Variants in KIRREL3 observed in about 807,000 individuals in gnomAD.
KIRREL3 encodes kirre like nephrin family adhesion molecule 3.
A neutral mutation model predicts 89.7 loss-of-function variants in KIRREL3; 36 were observed. The ratio of observed to expected loss-of-function variants is 0.40; its 90% CI spans 0.31 to 0.53. The LOEUF is 0.53. KIRREL3 is among the 20% of genes least tolerant of loss of function. The probability of loss-of-function intolerance (pLI) is 0.49; values close to 1 mark genes in which losing one functional copy is unlikely to be tolerated. For synonymous variants in KIRREL3, 445 were observed against 441.4 expected, an observed-to-expected ratio of 1.01 and a Z score of -0.10; for missense variants, 864 against 1,056.6, an observed-to-expected ratio of 0.82 and a Z score of 2.53.
In KIRREL3 at chr11:126,639,153, G is replaced by A. The variant is rs1192606989; in HGVS notation, c.56-76241C>T. ...AAAGCCCAGTTAAGAGAAACACTTCGGTGCTAATAGATCTGGAAACTTAAG... is the reference window on the plus strand; with the variant it reads ...AAAGCCCAGTTAAGAGAAACACTTCAGTGCTAATAGATCTGGAAACTTAAG... On this transcript the variant is annotated intron_variant, in intron 1 of 16. Transcript: ENST00000525144. The surrounding 1 kb of genome is among the most constrained non-coding windows in gnomAD (Gnocchi z 4.3). 6.6e-6 allele frequency among the ~76,000 whole-genome samples: 1 copy of A among 152,062 alleles called. No homozygotes were observed. Among genetic ancestry groups the A allele is most frequent in the East Asian group, 1.9e-4 (1 of 5,186 alleles).
At chr11:126,545,072 C>T (rs1038875700) in intron 2 of KIRREL3, among the ~76,000 whole-genome samples, 1 of 152,168 alleles carries the variant, frequency 6.6e-6, no homozygotes, top group Non-Finnish European at 1.5e-5. Flanking sequence ...TGCTTCTGTG[C>T]TCAGTGATAA....
chr11:126,535,637 C>T lies in KIRREL3; in HGVS notation c.134-8950G>A, dbSNP rs1009169769. Among the ~76,000 whole-genome samples the T allele has an allele frequency of 6.6e-6, 1 of 152,060 alleles. No individual in the cohort carries two copies. Among genetic ancestry groups the T allele is most frequent in the African/African-American group, 2.4e-5 (1 of 41,392 alleles). ...AGATTAACTGAATTGGCCTCAACCC[C>T]ACCTTTTCTCCAGCCAGACATTTGC... is the stretch of plus-strand genomic sequence containing the variant. On this transcript the variant is annotated intron_variant, in intron 2 of 16. Coordinates refer to ENST00000525144, the MANE Select transcript of KIRREL3 (RefSeq NM_032531.4). This position sits in a 1 kb window ranked among gnomAD's most constrained non-coding sequence, Gnocchi z 4.5.
chr11:126,823,098 A>G (rs1211145854), intron 1 of KIRREL3, among the ~76,000 whole-genome samples: 3 of 152,312 alleles, frequency 2.0e-5, no homozygotes, highest in Middle Eastern at 3.4e-3. Flanking sequence ...ATGAGATGTG[A>G]GAGACTAAAC....
rs1030835564 is a variant in KIRREL3, at chr11:126,553,566, T to C, written c.133+9269A>G. ...GCTGCGGTGCCTCCATATCTACCCATTTCATGAGCCCAGGTGGCCACCTCA... is the reference window on the plus strand; with the variant it reads ...GCTGCGGTGCCTCCATATCTACCCACTTCATGAGCCCAGGTGGCCACCTCA... On this transcript the variant is annotated intron_variant, in intron 2 of 16. Transcript: ENST00000525144. This position sits in a 1 kb window ranked among gnomAD's most constrained non-coding sequence, Gnocchi z 4.7. Among the ~76,000 whole-genome samples the C allele has an allele frequency of 1.2e-4, 18 of 152,196 alleles. No homozygotes were observed. The highest frequency in any genetic ancestry group is 4.1e-4 in the African/African-American group (17 of 41,442).
At chr11:126,478,027 T>C (rs1049882680) in intron 4 of KIRREL3, among the ~76,000 whole-genome samples, 2 of 152,232 alleles carry the variant, frequency 1.3e-5, no homozygotes, top group African/African-American at 2.4e-5. Context: ...AGGTGTTGCC[T>C]GCAAGCACCA....
intron 1 of KIRREL3, among the ~76,000 whole-genome samples, chr11:126,789,112 G>C (rs1390332361): frequency 6.6e-6 from 1 of 152,152 alleles, no homozygotes; most frequent in South Asian, 2.1e-4. Flanking sequence ...GCTCTTTAGG[G>C]GCATGGACTA....
intron 1 of KIRREL3, among the ~76,000 whole-genome samples, chr11:126,856,318 C>T (rs7110377): frequency 0.81 from 122,984 of 152,078 alleles, 49,859 homozygotes; most frequent in East Asian, 1. Context: ...AATGTTGGAA[C>T]GGGGAACAAG....
In KIRREL3 at chr11:126,694,082, G is replaced by A. The variant is rs901943270; in HGVS notation, c.56-131170C>T. ...GTCACACTAGGACAACTTGGAAGTT[G>A]AATTGGCAAGTTGCAGCAGGAGATG... On this transcript the variant is annotated intron_variant, in intron 1 of 16. Transcript: ENST00000525144. The surrounding 1 kb of genome is among the most constrained non-coding windows in gnomAD (Gnocchi z 4.4). Among the ~76,000 whole-genome samples the A allele has an allele frequency of 6.6e-6, 1 of 152,252 alleles. No individual in the cohort carries two copies. The highest frequency in any genetic ancestry group is 1.5e-5 in the Non-Finnish European group (1 of 68,040).
At chr11:126,451,537 A>T (rs1176624994) in intron 7 of KIRREL3, among the ~76,000 whole-genome samples, 1 of 103,208 alleles carries the variant, frequency 9.7e-6, no homozygotes, top group Non-Finnish European at 2.0e-5. Context: ...TGCATGTGTG[A>T]GAGTGTGCAT....
At chr11:126,910,674 CCACAT>C (rs1946781589) in intron 1 of KIRREL3, among the ~76,000 whole-genome samples, 1 of 152,232 alleles carries the variant, frequency 6.6e-6, no homozygotes, top group Non-Finnish European at 1.5e-5. Context: ...CTTTAGGACT[CCACAT>C]CACATAACCA....
intron 10 of KIRREL3, among the ~76,000 whole-genome samples, chr11:126,442,831 C>A (rs888806747): frequency 1.3e-5 from 2 of 152,248 alleles, no homozygotes; most frequent in South Asian, 4.1e-4. Flanking sequence ...AAGAAATAAA[C>A]AAGCAGCTTC....
chr11:126,434,816 C>G (rs992529312), intron 13 of KIRREL3, among the ~76,000 whole-genome samples: 1 of 152,140 alleles, frequency 6.6e-6, no homozygotes, highest in African/African-American at 2.4e-5. Flanking sequence ...ATGGATTGCA[C>G]AAGCCACAGC....
chr11:126,671,454 T>C (rs1945944351), intron 1 of KIRREL3, among the ~76,000 whole-genome samples: 1 of 152,210 alleles, frequency 6.6e-6, no homozygotes, highest in South Asian at 2.1e-4. Context: ...TTAAAAACTT[T>C]TGCTCTGCTG....
intron 1 of KIRREL3, among the ~76,000 whole-genome samples, chr11:126,914,175 T>A (rs1466138930): frequency 1.3e-5 from 2 of 152,174 alleles, no homozygotes; most frequent in Non-Finnish European, 2.9e-5. Context: ...GGATAGGTGC[T>A]ATGCCTGTGG....
rs144137043 is a variant in KIRREL3 at position 126,830,156 on chromosome 11, G to T, written c.55+170299C>A. Among the ~76,000 whole-genome samples, 1 of 152,298 alleles carries T rather than the reference G, an allele frequency of 6.6e-6. No individual in the cohort carries two copies. The highest frequency in any genetic ancestry group is 1.5e-5 in the Non-Finnish European group (1 of 68,030). ...AATCACATCGCTGGCTTACCTGGAA[G>T]TTGTTCATGAATGAACAACCCTTGC... On this transcript the variant is annotated intron_variant, in intron 1 of 16. Coordinates refer to ENST00000525144, the MANE Select transcript of KIRREL3 (RefSeq NM_032531.4). This position sits in a 1 kb window ranked among gnomAD's most constrained non-coding sequence, Gnocchi z 4.9.
intron 2 of KIRREL3, among the ~76,000 whole-genome samples, chr11:126,552,554 T>TG (rs1565544841): frequency 4.1e-5 from 3 of 72,298 alleles, no homozygotes; most frequent in East Asian, 5.3e-4. Context: ...AGAAAAGTTT[T>TG]TTTTTTTTTT....
At chr11:126,928,999 G>A (rs1784314) in intron 1 of KIRREL3, among the ~76,000 whole-genome samples, 95,105 of 147,596 alleles carry the variant, frequency 0.64, 30,955 homozygotes, top group Middle Eastern at 0.85. Flanking sequence ...TAAAAGAAAA[G>A]AGAGAGAAAA....
At chr11:126,436,607 G>C (rs537385659) in intron 12 of KIRREL3, among the ~76,000 whole-genome samples, 82 of 152,386 alleles carry the variant, frequency 5.4e-4, no homozygotes, top group African/African-American at 1.8e-3. Flanking sequence ...TTGGTTCCTG[G>C]TGGAGGCTCG....
At chr11:126,440,839 T>C (rs983497183) in intron 10 of KIRREL3, 12 of 498,150 alleles carry the variant, frequency 2.4e-5, no homozygotes, top group African/African-American at 3.9e-5. Flanking sequence ...GCGGTGCAGA[T>C]AAAGTGCTAA....
Sources: gnomAD v4.1 joint callset for allele counts (sites outside exome capture counted in the v4.1 genomes callset) on GRCh38, gnomAD v4.1.1 for gene constraint, Gnocchi (gnomAD v3.1) non-coding constraint, MANE v1.5 for transcripts, NCBI Gene and HGNC (gene_info 2026-07-23, HGNC 2026-07-21) for gene names.